The following ZFAT variants were observed in gnomAD, a reference collection of about 807,000 sequenced individuals.
ZFAT encodes the protein zinc finger and AT-hook domain containing, also known as zinc finger protein ZFAT.
In ZFAT, 64 loss-of-function variants were observed where a neutral mutation model predicts 117.7. That is an observed-to-expected ratio of 0.54 (90% CI 0.44 to 0.67). The LOEUF (loss-of-function observed/expected upper bound fraction) is 0.67, where lower values mean the gene tolerates loss of function less well. Ranked by LOEUF, ZFAT falls within the 30% of genes least tolerant of loss-of-function variation. ZFAT has a pLI of 0.00. For synonymous variants in ZFAT, 679 were observed against 615.0 expected (o/e 1.10, Z -1.54); for missense variants, 1,433 against 1,584.5 (o/e 0.90, Z 1.62).
At chr8:134,489,629 G>A (rs181552158) in intron 15 of ZFAT, among the ~76,000 whole-genome samples, 2 of 152,182 alleles carry the variant, frequency 1.3e-5, no homozygotes, top group Non-Finnish European at 2.9e-5. Context: ...GGGCCCCAGC[G>A]TTCAGCCCCA....
rs1817015735 is a variant in ZFAT, at chr8:134,478,236, A to C, written c.*246T>G. ...AGGGGAGCTGACACTGAAGTCTTTC[A>C]GGAAGCAGATGGTAAGGGTCAGGGG... On this transcript the variant is annotated 3_prime_UTR_variant, in exon 16 of 16. Coordinates refer to ENST00000377838, the MANE Select transcript of ZFAT (RefSeq NM_020863.4). The surrounding 1 kb of genome is among the most constrained non-coding windows in gnomAD (Gnocchi z 5.2). The C allele has an allele frequency of 2.2e-5, 12 of 554,148 alleles. No homozygotes were observed. The East Asian group carries it at 3.5e-4, about 16-fold the overall frequency. The allele number at this position is 554,148 out of a possible 1,614,324, so 34.3% of individuals were successfully genotyped here.
chr8:134,732,583 C>T, the ZFAT span, among the ~76,000 whole-genome samples: 4 of 152,262 alleles, frequency 2.6e-5, no homozygotes, highest in African/African-American at 7.2e-5. Flanking sequence ...ACTCATCCAA[C>T]TCAGAAAATG....
chr8:134,551,108 G>A (rs1823134189), intron 11 of ZFAT, among the ~76,000 whole-genome samples: 2 of 152,156 alleles, frequency 1.3e-5, no homozygotes, highest in Admixed American at 6.5e-5. Flanking sequence ...GGCTTAAATA[G>A]GCATAGCAGT....
At chr8:134,621,397 AC>A (rs1170510689) in intron 3 of ZFAT, among the ~76,000 whole-genome samples, 1 of 152,202 alleles carries the variant, frequency 6.6e-6, no homozygotes, top group Non-Finnish European at 1.5e-5. Context: ...ATGACAGTTT[AC>A]AAAGCACTGT....
At position 134,638,146 on chromosome 8, in the gene ZFAT, T is replaced by C. The variant is rs79451365; in HGVS notation, c.197-434A>G. Among the ~76,000 whole-genome samples the C allele has an allele frequency of 8.1e-3, 1,226 of 152,252 alleles. 7 individuals are homozygous for C. Among genetic ancestry groups the C allele is most frequent in the Non-Finnish European group, 0.012 (840 of 68,014 alleles). ...TCATGCCCTTAATGAGTTACAAAAC[T>C]ATTCAGATTATTTCAAGGAGTCATA... On this transcript the variant is annotated intron_variant, in intron 2 of 15. Transcript: ENST00000377838.
chr8:134,512,430 G>A (rs1325801724), intron 14 of ZFAT, 45 bp downstream of exon 14: 16 of 1,605,654 alleles, frequency 1.0e-5, no homozygotes, highest in Middle Eastern at 1.7e-4. Context: ...AGCATGTCTA[G>A]GAAAGACAGT....
At chr8:134,524,673 G>A (rs1281762055) in intron 12 of ZFAT, among the ~76,000 whole-genome samples, 1 of 152,086 alleles carries the variant, frequency 6.6e-6, no homozygotes, top group Non-Finnish European at 1.5e-5. Context: ...ACAAACACTG[G>A]CCTGGCCCCG....
chr8:134,716,159 ATG>A (rs765103268), upstream of ZFAT, among the ~76,000 whole-genome samples: 893 of 140,216 alleles, frequency 6.4e-3, 3 homozygotes, highest in Middle Eastern at 0.033. Flanking sequence ...ATATATATAT[ATG>A]TATATATGCA....
At chr8:134,608,273 AG>A (rs1230010532) in intron 5 of ZFAT, among the ~76,000 whole-genome samples, 1 of 152,234 alleles carries the variant, frequency 6.6e-6, no homozygotes, top group Non-Finnish European at 1.5e-5. Flanking sequence ...CTCCAGAAAC[AG>A]TAACTCTAGG....
At chr8:134,598,718 ATCTCTAAAT>A (rs1437162106) in intron 7 of ZFAT, 1 of 152,246 alleles carries the variant, frequency 6.6e-6, no homozygotes, top group African/African-American at 2.4e-5. Flanking sequence ...ATGTTTCAAA[ATCTCTAAAT>A]CCAGAGCAGC....
At chr8:134,684,995 C>A (rs149327468) in intron 1 of ZFAT, among the ~76,000 whole-genome samples, 2 of 152,312 alleles carry the variant, frequency 1.3e-5, no homozygotes, top group East Asian at 3.9e-4. Context: ...GACATCAAGA[C>A]TTCATGGCAC....
At chr8:134,639,495 T>C (rs545459317) in intron 2 of ZFAT, among the ~76,000 whole-genome samples, 3 of 151,882 alleles carry the variant, frequency 2.0e-5, no homozygotes, top group Admixed American at 6.6e-5. Flanking sequence ...TACTTAATGA[T>C]AGGAAGGCAA....
chr8:134,800,916 A>C, the ZFAT span, among the ~76,000 whole-genome samples: 1 of 152,128 alleles, frequency 6.6e-6, no homozygotes, highest in Non-Finnish European at 1.5e-5. Context: ...GTCACAAACA[A>C]GTGATAACGT....
chr8:134,808,084 TGAA>T, the ZFAT span, among the ~76,000 whole-genome samples: 919 of 152,334 alleles, frequency 6.0e-3, 6 homozygotes, highest in Non-Finnish European at 9.5e-3. Context: ...ATTTTACAGA[TGAA>T]GAAGAAGGTA....
At chr8:134,540,751 C>T (rs1724505841) in intron 11 of ZFAT, among the ~76,000 whole-genome samples, 2 of 152,250 alleles carry the variant, frequency 1.3e-5, no homozygotes, top group African/African-American at 2.4e-5. Flanking sequence ...ATTCCTCAAT[C>T]GCCATCTAGC....
intron 14 of ZFAT, chr8:134,509,990 T>C: frequency 1.9e-6 from 1 of 532,318 alleles, no homozygotes; most frequent in Non-Finnish European, 3.6e-6. Flanking sequence ...ATTGAGACGT[T>C]ATTTGCATTT....
At chr8:134,763,170 TA>T in the ZFAT span, among the ~76,000 whole-genome samples, 1 of 152,222 alleles carries the variant, frequency 6.6e-6, no homozygotes, top group Admixed American at 6.5e-5. Context: ...AGTAAACAAA[TA>T]AAAAATGTAT....
intron 2 of ZFAT, 67 bp downstream of exon 2, chr8:134,657,494 C>T: frequency 6.9e-7 from 1 of 1,455,374 alleles, no homozygotes; most frequent in South Asian, 1.4e-5. Context: ...TCTGCTATGC[C>T]CACGGAGCAA....
At chr8:134,588,481 A>C in intron 8 of ZFAT, 86 bp from the exon 9 acceptor site, 1 of 1,390,844 alleles carries the variant, frequency 7.2e-7, no homozygotes, top group Non-Finnish European at 9.5e-7. Context: ...AGCAGCACCC[A>C]CAGGAGGAAT....
Sources: allele counts gnomAD v4.1 joint callset (sites outside exome capture counted in the v4.1 genomes callset), GRCh38; gene constraint gnomAD v4.1.1; non-coding constraint Gnocchi (gnomAD v3.1); transcripts MANE v1.5; gene names NCBI Gene and HGNC (gene_info 2026-07-23, HGNC 2026-07-21).